SYT16: variants seen among roughly 807,000 people sequenced by gnomAD.
SYT16 encodes synaptotagmin 16, also known as synaptotagmin-16.
A neutral mutation model predicts 61.4 loss-of-function variants in SYT16; 42 were observed. The observed-to-expected ratio is 0.68, with a 90% CI of 0.53 to 0.89. SYT16 has a LOEUF of 0.89. Among genes scored for constraint, SYT16 ranks in the 40% least tolerant of loss-of-function variants. SYT16 has a pLI of 0.00. For missense variants in SYT16, 804 were observed against 807.3 expected (o/e 1.00, Z 0.05); for synonymous variants, 314 against 302.3 (o/e 1.04, Z -0.40).
At position 62,011,671 on chromosome 14, in the gene SYT16, C is replaced by A. The variant is rs986781804; in HGVS notation, c.523+15129C>A. ...AGAATAGATGATGGGTGTCAAAAAACCCCACAGCTCTATTAGAGGAGTCAA... is the reference window on the plus strand; with the variant it reads ...AGAATAGATGATGGGTGTCAAAAAAACCCACAGCTCTATTAGAGGAGTCAA... On this transcript the variant is annotated intron_variant, in intron 3 of 7. Transcript: ENST00000683842. Among the ~76,000 whole-genome samples the A allele has an allele frequency of 2.0e-5, 3 of 152,056 alleles. No homozygotes were observed. In the East Asian group the frequency reaches 5.8e-4, roughly 29 times the overall value.
At chr14:61,908,345 A>G (rs2048802860) in intron 1 of SYT16, among the ~76,000 whole-genome samples, 1 of 152,226 alleles carries the variant, frequency 6.6e-6, no homozygotes, top group South Asian at 2.1e-4. Context: ...ATTCATTAGA[A>G]ATACATATTC....
At chr14:61,813,972 A>G (rs1331240258) in intron 1 of SYT16, among the ~76,000 whole-genome samples, 4 of 152,052 alleles carry the variant, frequency 2.6e-5, no homozygotes, top group Non-Finnish European at 5.9e-5. Context: ...ACAGACCTGT[A>G]TTTTATCTCT....
chr14:62,046,364 CAT>C (rs1262547006), intron 3 of SYT16, among the ~76,000 whole-genome samples: 1 of 151,898 alleles, frequency 6.6e-6, no homozygotes, highest in African/African-American at 2.4e-5. Context: ...CCCTTTGTCA[CAT>C]GAGTAGGTTG....
intron 5 of SYT16, among the ~76,000 whole-genome samples, chr14:62,078,913 A>G (rs1465210469): frequency 6.6e-6 from 1 of 152,232 alleles, no homozygotes; most frequent in African/African-American, 2.4e-5. Flanking sequence ...CCTTAGGGGA[A>G]GATGGAACAT....
chr14:61,975,570 G>C (rs1291170599), intron 2 of SYT16, among the ~76,000 whole-genome samples: 1 of 152,144 alleles, frequency 6.6e-6, no homozygotes. Context: ...AGGGGGAAGA[G>C]TGCCTTATAA....
At chr14:61,916,648 A>G (rs949761500) in intron 1 of SYT16, among the ~76,000 whole-genome samples, 5 of 152,156 alleles carry the variant, frequency 3.3e-5, no homozygotes, top group Admixed American at 6.6e-5. Context: ...ATTGATAACT[A>G]TAGTCACCCT....
chr14:62,053,992 A>G (rs914738493), intron 3 of SYT16, among the ~76,000 whole-genome samples: 1 of 152,210 alleles, frequency 6.6e-6, no homozygotes, highest in Non-Finnish European at 1.5e-5. Context: ...GAAGCCATTT[A>G]ACAGTCATAG....
intron 3 of SYT16, among the ~76,000 whole-genome samples, chr14:62,039,880 C>T (rs908667956): frequency 3.0e-5 from 2 of 67,078 alleles, no homozygotes; most frequent in Non-Finnish European, 4.3e-5. Context: ...CACACACACG[C>T]ACATACACAC....
chr14:61,864,955 G>A lies in SYT16; in HGVS notation c.-325+52145G>A, dbSNP rs1047057808. 114 of 1,325,142 alleles carry A rather than the reference G, an allele frequency of 8.6e-5. 2 individuals carry two copies. Among genetic ancestry groups the A allele is most frequent in the South Asian group, 3.8e-4 (32 of 84,982 alleles). 82.1% of individuals were successfully genotyped at this position (1,325,142 alleles called of 1,614,324 possible). A position where few individuals can be genotyped will look rare whatever the true frequency, so the allele number is the denominator to read the frequency against. On this transcript the variant is annotated intron_variant, in intron 1 of 7. Coordinates refer to ENST00000683842, the MANE Select transcript of SYT16 (RefSeq NM_001367656.1). ...TGGGCTGCCTGCAGGCCTTGAAAGT[G>A]CTGAAAATTGCTGCGAGTCTGGGCC...
At chr14:61,985,463 C>G (rs1192313726) in intron 2 of SYT16, among the ~76,000 whole-genome samples, 3 of 152,136 alleles carry the variant, frequency 2.0e-5, no homozygotes, top group African/African-American at 7.2e-5. Context: ...ATAAAACTTT[C>G]ATCAGATGAA....
chr14:61,941,497 G>A (rs1022137320), intron 1 of SYT16, among the ~76,000 whole-genome samples: 5 of 152,126 alleles, frequency 3.3e-5, no homozygotes, highest in South Asian at 2.1e-4. Flanking sequence ...CTTGCAATCC[G>A]TAGTGACTTT....
At chr14:62,019,751 C>T (rs2140751581) in intron 3 of SYT16, among the ~76,000 whole-genome samples, 1 of 152,296 alleles carries the variant, frequency 6.6e-6, no homozygotes, top group African/African-American at 2.4e-5. Context: ...TAATCTAAGT[C>T]ATGGGAAGTC....
chr14:61,940,191 T>C lies in SYT16; in HGVS notation c.-324-29941T>C, dbSNP rs7160679. Among the ~76,000 whole-genome samples the C allele has an allele frequency of 7.6e-3, 1,161 of 152,352 alleles. 16 individuals are homozygous for C. The highest frequency in any genetic ancestry group is 0.026 in the African/African-American group (1,100 of 41,576). On this transcript the variant is annotated intron_variant, in intron 1 of 7. Coordinates refer to ENST00000683842, the MANE Select transcript of SYT16 (RefSeq NM_001367656.1). ...GTCCTTTTCACGGGGTTAGCACATA[T>C]TTTTGAATTCTTTAACCTCAGCTTT...
chr14:61,960,025 T>A (rs2051052774), intron 1 of SYT16, among the ~76,000 whole-genome samples: 1 of 152,076 alleles, frequency 6.6e-6, no homozygotes, highest in Admixed American at 6.6e-5. Context: ...AGAGATGGGG[T>A]CTCTCCATGT....
At chr14:62,063,966 T>G (rs1209934483) in intron 3 of SYT16, among the ~76,000 whole-genome samples, 1 of 152,182 alleles carries the variant, frequency 6.6e-6, no homozygotes, top group African/African-American at 2.4e-5. Context: ...TCTGTCTGAA[T>G]TCTGTGATTG....
intron 3 of SYT16, among the ~76,000 whole-genome samples, chr14:62,058,240 T>C (rs1461779921): frequency 6.6e-6 from 1 of 152,158 alleles, no homozygotes; most frequent in African/African-American, 2.4e-5. Context: ...CTATGAACAT[T>C]TGTAAGTCTT....
chr14:61,851,092 G>T (rs546887013), intron 1 of SYT16, among the ~76,000 whole-genome samples: 3 of 152,054 alleles, frequency 2.0e-5, no homozygotes, highest in African/African-American at 7.2e-5. Context: ...CCCAGTGTGT[G>T]TTGTTTCTCC....
chr14:61,983,517 T>G (rs940924993), intron 2 of SYT16, among the ~76,000 whole-genome samples: 3 of 151,896 alleles, frequency 2.0e-5, no homozygotes, highest in Non-Finnish European at 2.9e-5. Context: ...TAATTTCAGG[T>G]TTTTTTTGTT....
At chr14:61,933,127 T>A (rs2140430399) in intron 1 of SYT16, among the ~76,000 whole-genome samples, 1 of 152,358 alleles carries the variant, frequency 6.6e-6, no homozygotes, top group African/African-American at 2.4e-5. Context: ...GTTTGTTATA[T>A]TCTTTTGTCG....
Sources: gnomAD v4.1 joint callset for allele counts (sites outside exome capture counted in the v4.1 genomes callset) on GRCh38, gnomAD v4.1.1 for gene constraint, MANE v1.5 for transcripts, NCBI Gene and HGNC (gene_info 2026-07-23, HGNC 2026-07-21) for gene names.